Variants in GRIA2 observed in about 807,000 individuals in gnomAD.
GRIA2 encodes glutamate ionotropic receptor AMPA type subunit 2.
In GRIA2, 14 loss-of-function variants were observed where a neutral mutation model predicts 97.3. The ratio of observed to expected loss-of-function variants is 0.14; its 90% CI spans 0.10 to 0.23. The LOEUF (loss-of-function observed/expected upper bound fraction) is 0.23, where lower values mean the gene tolerates loss of function less well. Among genes scored for constraint, GRIA2 ranks in the 10% least tolerant of loss-of-function variants. The pLI is 1.00. For missense variants in GRIA2, 558 were observed against 1,069.8 expected, an observed-to-expected ratio of 0.52 and a Z score of 6.67; for synonymous variants, 412 against 387.8, an observed-to-expected ratio of 1.06 and a Z score of -0.73.
chr4:157,285,801 A>G (rs1256638660), intron 2 of GRIA2, among the ~76,000 whole-genome samples: 1 of 151,532 alleles, frequency 6.6e-6, no homozygotes, highest in Non-Finnish European at 1.5e-5. Context: ...ATTATTTGTT[A>G]TAGTAATAAT....
intron 6 of GRIA2, among the ~76,000 whole-genome samples, chr4:157,327,637 T>C (rs1734863303): frequency 6.6e-6 from 1 of 152,150 alleles, no homozygotes; most frequent in African/African-American, 2.4e-5. Context: ...CCATTCTACC[T>C]TATCACATAG....
chr4:157,288,800 A>G (rs962268712), intron 2 of GRIA2, among the ~76,000 whole-genome samples: 3 of 151,760 alleles, frequency 2.0e-5, no homozygotes, highest in Admixed American at 6.6e-5. Context: ...GTAGTTTTGC[A>G]TAAGGTCTTA....
chr4:157,293,770 A>G (rs965348571), intron 2 of GRIA2, among the ~76,000 whole-genome samples: 2 of 152,132 alleles, frequency 1.3e-5, no homozygotes, highest in Non-Finnish European at 1.5e-5. Flanking sequence ...ACTAGGCGTT[A>G]CAATGGAATA....
chr4:157,307,412 A>G (rs2126874947), intron 3 of GRIA2, among the ~76,000 whole-genome samples: 1 of 152,264 alleles, frequency 6.6e-6, no homozygotes, highest in Non-Finnish European at 1.5e-5. Context: ...ATCTAAGTTT[A>G]CTGGTGAGAG....
chr4:157,293,401 A>T (rs1260128345), intron 2 of GRIA2, among the ~76,000 whole-genome samples: 1 of 152,154 alleles, frequency 6.6e-6, no homozygotes, highest in Non-Finnish European at 1.5e-5. Flanking sequence ...CTGTATCAAC[A>T]TGGTAATTTC....
At chr4:157,288,651 G>A (rs1283665271) in intron 2 of GRIA2, among the ~76,000 whole-genome samples, 1 of 151,600 alleles carries the variant, frequency 6.6e-6, no homozygotes, top group Non-Finnish European at 1.5e-5. Context: ...CAGGGAAGTT[G>A]GGCTATTTAA....
intron 12 of GRIA2, among the ~76,000 whole-genome samples, chr4:157,350,591 A>G (rs2126970643): frequency 6.6e-6 from 1 of 151,524 alleles, no homozygotes; most frequent in African/African-American, 2.4e-5. Flanking sequence ...AAAAGGCTCT[A>G]ATGAAATCAT....
At chr4:157,223,570 C>A (rs1458227462) in intron 2 of GRIA2, among the ~76,000 whole-genome samples, 3 of 152,192 alleles carry the variant, frequency 2.0e-5, no homozygotes. Context: ...CATTTGATAT[C>A]AGTAAGTTCC....
intron 12 of GRIA2, chr4:157,342,383 G>C: frequency 4.1e-6 from 4 of 984,926 alleles, no homozygotes; most frequent in Non-Finnish European, 4.8e-6. Context: ...TGGGAGAAAG[G>C]GTTCTGGGAG....
intron 2 of GRIA2, among the ~76,000 whole-genome samples, chr4:157,259,575 C>A (rs1294644389): frequency 6.6e-6 from 1 of 152,020 alleles, no homozygotes; most frequent in African/African-American, 2.4e-5. Context: ...GGAAGAAGAA[C>A]AAAATGCAAA....
In GRIA2 at chr4:157,364,989, G is replaced by A. The variant is rs967320235; in HGVS notation, c.*1558G>A. The A allele has an allele frequency of 3.3e-5, 5 of 151,208 alleles. No individual in the cohort carries two copies. The highest frequency in any genetic ancestry group is 6.6e-5 in the Admixed American group (1 of 15,114). The allele number at this position is 151,208 out of a possible 1,614,324, so 9.4% of individuals were successfully genotyped here. A position where few individuals can be genotyped will look rare whatever the true frequency, so the allele number is the denominator to read the frequency against. ...TAAAATACCTCTTATTTCCATTAAA[G>A]CCCCCCAAGTTTAATTAATTTAGGA... On this transcript the variant is annotated 3_prime_UTR_variant, in exon 16 of 16. Coordinates refer to ENST00000264426, the MANE Select transcript of GRIA2 (RefSeq NM_001083619.3).
intron 2 of GRIA2, among the ~76,000 whole-genome samples, chr4:157,289,922 G>A (rs942303327): frequency 4.6e-5 from 7 of 151,616 alleles, no homozygotes; most frequent in Admixed American, 1.3e-4. Flanking sequence ...TTCTTGTGAC[G>A]TTTTCTAGCT....
intron 3 of GRIA2, among the ~76,000 whole-genome samples, chr4:157,305,881 T>A (rs1733820471): frequency 6.6e-6 from 1 of 152,070 alleles, no homozygotes; most frequent in Non-Finnish European, 1.5e-5. Flanking sequence ...ATGTTTTTCA[T>A]GTAAGGTGTG....
At chr4:157,313,475 G>A (rs1734175860) in intron 4 of GRIA2, among the ~76,000 whole-genome samples, 1 of 152,228 alleles carries the variant, frequency 6.6e-6, no homozygotes, top group African/African-American at 2.4e-5. Context: ...CTGTTTGAAA[G>A]AATCACTGAC....
intron 12 of GRIA2, among the ~76,000 whole-genome samples, chr4:157,356,895 T>C (rs1457298575): frequency 6.6e-6 from 1 of 152,152 alleles, no homozygotes; most frequent in East Asian, 1.9e-4. Context: ...TACATTAACC[T>C]ACTAGGTTGG....
chr4:157,360,233 A>G, intron 13 of GRIA2, 90 bp downstream of exon 13: 2 of 1,342,866 alleles, frequency 1.5e-6, no homozygotes, highest in Non-Finnish European at 1.0e-6. Context: ...CGGTTTGTAT[A>G]CGGATATGAG....
At chr4:157,360,449 T>G (rs992322175) in intron 13 of GRIA2, among the ~76,000 whole-genome samples, 3 of 152,190 alleles carry the variant, frequency 2.0e-5, no homozygotes, top group African/African-American at 4.8e-5. Flanking sequence ...TGAGTTTTTT[T>G]TTCCACATTT....
At chr4:157,251,648 G>A (rs1484181022) in intron 2 of GRIA2, among the ~76,000 whole-genome samples, 2 of 152,082 alleles carry the variant, frequency 1.3e-5, no homozygotes, top group African/African-American at 4.8e-5. Flanking sequence ...CAATGAAGAT[G>A]CATATCTTTC....
At chr4:157,356,131 ATATT>A (rs1166809819) in intron 12 of GRIA2, among the ~76,000 whole-genome samples, 1 of 129,132 alleles carries the variant, frequency 7.7e-6, no homozygotes, top group Admixed American at 9.0e-5. Flanking sequence ...ATATTTATAT[ATATT>A]TATATATTTA....
Sources: gnomAD v4.1 joint callset for allele counts (sites outside exome capture counted in the v4.1 genomes callset) on GRCh38, gnomAD v4.1.1 for gene constraint, MANE v1.5 for transcripts, NCBI Gene and HGNC (gene_info 2026-07-23, HGNC 2026-07-21) for gene names.